ZNF454: variants seen among roughly 807,000 people sequenced by gnomAD.
ZNF454 encodes zinc finger protein 454.
Under a neutral mutation model 48.2 loss-of-function variants are expected in ZNF454, and 30 were observed. The ratio of observed to expected loss-of-function variants is 0.62; its 90% CI spans 0.47 to 0.84. The LOEUF is 0.84. ZNF454 is among the 40% of genes least tolerant of loss of function. The pLI is 0.00. For missense variants in ZNF454, 510 were observed against 623.1 expected, an observed-to-expected ratio of 0.82 and a Z score of 1.93; for synonymous variants, 204 against 211.4, an observed-to-expected ratio of 0.97 and a Z score of 0.30.
chr5:178,954,061 C>T (rs1759655510), intron 4 of ZNF454, among the ~76,000 whole-genome samples: 2 of 152,096 alleles, frequency 1.3e-5, no homozygotes, highest in South Asian at 4.1e-4. Flanking sequence ...AAGTTCGAGA[C>T]CAGCCTGGCT....
chr5:178,953,015 T>A (rs371442369), intron 4 of ZNF454, among the ~76,000 whole-genome samples: 3 of 152,324 alleles, frequency 2.0e-5, no homozygotes, highest in South Asian at 4.1e-4. Context: ...TCCCCCCACT[T>A]CCCCATTTTC....
chr5:178,953,847 T>C (rs1315813694), intron 4 of ZNF454, among the ~76,000 whole-genome samples: 2 of 152,180 alleles, frequency 1.3e-5, no homozygotes, highest in African/African-American at 4.8e-5. Context: ...CTTGCAAGAT[T>C]TTCTCATTTA....
chr5:178,942,913 A>C, intron 2 of ZNF454, 89 bp downstream of exon 2: 1 of 1,464,706 alleles, frequency 6.8e-7, no homozygotes, highest in Non-Finnish European at 9.3e-7. Flanking sequence ...TTTATTCCCA[A>C]TCCAGTCCCA....
the ZNF454 span, chr5:178,987,151 G>A: frequency 5.4e-6 from 4 of 743,792 alleles, no homozygotes; most frequent in South Asian, 4.4e-5. Flanking sequence ...CCATTGGGAT[G>A]GCTTCTAGCC....
chr5:178,968,479 T>G (rs1029076919), downstream of ZNF454, among the ~76,000 whole-genome samples: 3 of 152,204 alleles, frequency 2.0e-5, no homozygotes, highest in African/African-American at 7.2e-5. Flanking sequence ...GCCACCTTTG[T>G]GGGCCAGCAT....
At position 178,946,285 on chromosome 5, in the gene ZNF454, G is replaced by C; in HGVS notation, c.34-74G>C. On this transcript the variant is annotated intron_variant, in intron 2 of 4. Transcript: ENST00000519564. This position sits in a 1 kb window ranked among gnomAD's most constrained non-coding sequence, Gnocchi z 4.5. ...TGTAAATGCGCACAAGCTCCTAGGG[G>C]CTGCCAGTCTCTTTTCCAGAGAACC... The C allele has an allele frequency of 6.3e-7, 1 of 1,581,176 alleles. No individual in the cohort carries two copies. The highest frequency in any genetic ancestry group is 1.2e-5 in the South Asian group (1 of 85,114).
intron 4 of ZNF454, among the ~76,000 whole-genome samples, chr5:178,958,683 A>G (rs1759875543): frequency 6.6e-6 from 1 of 152,198 alleles, no homozygotes; most frequent in South Asian, 2.1e-4. Context: ...ATACTAATTT[A>G]TACTCCTACC....
rs2058766499 is a variant in ZNF454 at position 178,941,957 on chromosome 5, CCAGATAAGG to C, written c.-108+517_-108+525del. Among the ~76,000 whole-genome samples the C allele has an allele frequency of 6.6e-6, 1 of 151,940 alleles. No homozygotes were observed. Reference sequence around the variant, plus strand: ...TCCTTTTCCTCTTCTCCTGTCACTGCCAGATAAGGCAGCTGTTCCAAAGCCGCAGAGGGA... The same window carrying C: ...TCCTTTTCCTCTTCTCCTGTCACTGCCAGCTGTTCCAAAGCCGCAGAGGGA... On this transcript the variant is annotated intron_variant, in intron 1 of 4. Coordinates refer to ENST00000519564, the MANE Select transcript of ZNF454 (RefSeq NM_001178089.3). The surrounding 1 kb of genome is among the most constrained non-coding windows in gnomAD (Gnocchi z 5.5).
At chr5:178,959,484 A>T (rs1422625063) in intron 4 of ZNF454, among the ~76,000 whole-genome samples, 1 of 152,184 alleles carries the variant, frequency 6.6e-6, no homozygotes, top group African/African-American at 2.4e-5. Flanking sequence ...AGAATTTTAG[A>T]ATTGGCTATT....
the ZNF454 span, chr5:178,982,000 CAGGGGCCCCGCGCCTG>C: frequency 1.3e-6 from 1 of 741,740 alleles, no homozygotes; most frequent in Non-Finnish European, 2.4e-6. This position sits in a 1 kb window ranked among gnomAD's most constrained non-coding sequence, Gnocchi z 5.1. Flanking sequence ...ACAGTATGAG[CAGGGGCCCCGCGCCTG>C]AGGGGCTGGC....
chr5:178,977,572 C>CTT, the ZNF454 span: 250 of 183,048 alleles, frequency 1.4e-3, no homozygotes, highest in South Asian at 3.6e-3. Context: ...ATTCAGTCTT[C>CTT]TTTTTTTTTT....
At chr5:178,978,741 C>T in the ZNF454 span, 1 of 152,160 alleles carries the variant, frequency 6.6e-6, no homozygotes, top group East Asian at 1.9e-4. Context: ...AATTCAAGGG[C>T]AACAAATGGG....
chr5:178,983,498 G>A, the ZNF454 span: 1 of 645,230 alleles, frequency 1.5e-6, no homozygotes, highest in Non-Finnish European at 2.9e-6. Flanking sequence ...TCAGTGCAGT[G>A]TGCATAAGGG....
chr5:178,987,611 T>TTCA, the ZNF454 span: 1 of 369,786 alleles, frequency 2.7e-6, no homozygotes, highest in Non-Finnish European at 5.4e-6. Context: ...GGGTAGACAA[T>TTCA]TCATAGAGAG....
chr5:178,974,621 A>G, the ZNF454 span, among the ~76,000 whole-genome samples: 1 of 151,990 alleles, frequency 6.6e-6, no homozygotes, highest in Non-Finnish European at 1.5e-5. Context: ...CCCGGCCTCT[A>G]ATGGTTTCTG....
Position 178,965,861 on chromosome 5 carries a change from A to G in ZNF454, c.1457A>G (p.His486Arg), listed in dbSNP as rs764739848. 9 of 1,614,182 alleles carry G rather than the reference A, an allele frequency of 5.6e-6. No homozygotes were observed. In the East Asian group the frequency reaches 2.0e-4, roughly 36 times the overall value. The change falls in exon 5 of 5, where the codon CAT (histidine) becomes CGT (arginine). Residue 486 changes from histidine (H) to arginine (R), a missense_variant. Around this residue, in one of 3 missense-constraint regions of ZNF454, gnomAD observed 153 missense variants for 195.8 expected, o/e 0.78. Coordinates refer to ENST00000519564, the MANE Select transcript of ZNF454 (RefSeq NM_001178089.3). This position sits in a 1 kb window ranked among gnomAD's most constrained non-coding sequence, Gnocchi z 5.2. ...ATCCGAAGCACTCACCTGACTCAAC[A>G]TCAGAGGATTCACACAGGAGAGAAA... is the stretch of plus-strand genomic sequence containing the variant. ...AFIRSTHLTQHQRIHTGEKPY... is the reference protein window; with the variant it reads ...AFIRSTHLTQRQRIHTGEKPY...
rs1760096877 is a variant in ZNF454 at position 178,964,913 on chromosome 5, G to T, written c.509G>T (p.Gly170Val). 3.1e-6 allele frequency: 5 copies of T among 1,614,190 alleles called. No homozygotes were observed. The highest frequency in any genetic ancestry group is 4.2e-6 in the Non-Finnish European group (5 of 1,180,034). The change falls in exon 5 of 5, where the codon GGA becomes GTA. Residue 170 changes from glycine (G) to valine (V), a missense_variant. Coordinates refer to ENST00000519564, the MANE Select transcript of ZNF454 (RefSeq NM_001178089.3). ...SSSLHSDQSQ[G>V]FQPSKNAFEC... ...TCTCTTCACAGTGATCAAAGTCAGG[G>T]ATTTCAACCTAGCAAAAATGCCTTT...
the ZNF454 span, chr5:178,986,573 C>A: frequency 6.8e-6 from 11 of 1,607,450 alleles, no homozygotes. Flanking sequence ...GGCCTCATGT[C>A]CCCAGGACAG....
chr5:178,989,217 A>AGGCCC, the ZNF454 span: 1 of 954,828 alleles, frequency 1.0e-6, no homozygotes, highest in Non-Finnish European at 1.5e-6. Flanking sequence ...CCCCACCCTC[A>AGGCCC]CCACCCTCCC....
Sources: allele counts gnomAD v4.1 joint callset (sites outside exome capture counted in the v4.1 genomes callset), GRCh38; gene constraint gnomAD v4.1.1; regional missense constraint gnomAD v4.1.1; non-coding constraint Gnocchi (gnomAD v3.1); transcripts MANE v1.5; gene names NCBI Gene and HGNC (gene_info 2026-07-23, HGNC 2026-07-21).